PRKG1: variants seen among roughly 807,000 people sequenced by gnomAD.
PRKG1 encodes the protein protein kinase cGMP-dependent 1, also known as cGMP-dependent protein kinase 1.
PRKG1 carries 35 observed loss-of-function variants against 88.1 expected under a neutral mutation model. The observed-to-expected ratio is 0.40, with a 90% CI of 0.30 to 0.53. PRKG1 has a LOEUF of 0.53. PRKG1 is among the 20% of genes least tolerant of loss of function. PRKG1 has a pLI of 0.59. For synonymous variants in PRKG1, 303 were observed against 292.5 expected (o/e 1.04, Z -0.37); for missense variants, 540 against 839.8 (o/e 0.64, Z 4.41).
At chr10:52,059,307 T>C (rs11597349) in intron 6 of PRKG1, among the ~76,000 whole-genome samples, 32,406 of 151,902 alleles carry the variant, frequency 0.21, 3,730 homozygotes, top group South Asian at 0.27. Flanking sequence ...CAGCAATTAC[T>C]CTTTGTGATA....
chr10:51,514,195 A>G (rs1329135388), intron 3 of PRKG1, among the ~76,000 whole-genome samples: 4 of 151,296 alleles, frequency 2.6e-5, no homozygotes, highest in East Asian at 2.0e-4. Context: ...AATACAAACT[A>G]CCATCAGAGA....
chr10:52,171,779 T>C (rs989403987), intron 9 of PRKG1, among the ~76,000 whole-genome samples: 2 of 144,496 alleles, frequency 1.4e-5, no homozygotes, highest in South Asian at 2.1e-4. Flanking sequence ...ATTTTTCTTT[T>C]ATCAAAATTT....
At chr10:51,658,461 G>A (rs1381792917) in intron 3 of PRKG1, among the ~76,000 whole-genome samples, 4 of 152,010 alleles carry the variant, frequency 2.6e-5, no homozygotes, top group Non-Finnish European at 4.4e-5. Context: ...ATCCTAGGGG[G>A]CAGGTGACAT....
Position 51,975,163 on chromosome 10 carries a change from G to A in PRKG1, c.762+67593G>A, listed in dbSNP as rs374354757. On this transcript the variant is annotated intron_variant, in intron 5 of 17. Transcript: ENST00000373980. ...ATATTTATAAGTAACCATAAAATACGGGCTTCATAGGTCCATTTTATAGTT... is the reference window on the plus strand; with the variant it reads ...ATATTTATAAGTAACCATAAAATACAGGCTTCATAGGTCCATTTTATAGTT... 3.4e-4 allele frequency among the ~76,000 whole-genome samples: 51 copies of A among 151,952 alleles called. No homozygotes were observed. The East Asian group carries it at 6.8e-3, about 20-fold the overall frequency.
intron 3 of PRKG1, among the ~76,000 whole-genome samples, chr10:51,581,946 T>A (rs925582893): frequency 4.0e-5 from 6 of 150,824 alleles, no homozygotes; most frequent in Admixed American, 4.0e-4. Context: ...AAAAAAAAAA[T>A]GGGCTGGTCC....
At chr10:51,390,977 G>A (rs963177245) in intron 2 of PRKG1, among the ~76,000 whole-genome samples, 4 of 152,134 alleles carry the variant, frequency 2.6e-5, no homozygotes, top group Admixed American at 2.6e-4. Context: ...AAGATAATTG[G>A]TTTTGATTTA....
chr10:51,946,469 C>T (rs536364756), intron 5 of PRKG1, among the ~76,000 whole-genome samples: 30 of 152,258 alleles, frequency 2.0e-4, no homozygotes, highest in Non-Finnish European at 3.4e-4. Context: ...TCGTCAAAGT[C>T]ATTCTCTGTC....
intron 2 of PRKG1, among the ~76,000 whole-genome samples, chr10:51,397,456 G>A (rs760217504): frequency 6.6e-6 from 1 of 152,028 alleles, no homozygotes; most frequent in Non-Finnish European, 1.5e-5. Flanking sequence ...GCTGCGTCTC[G>A]AGGGCACTTC....
At chr10:51,780,275 C>T (rs1838552205) in intron 3 of PRKG1, among the ~76,000 whole-genome samples, 1 of 151,596 alleles carries the variant, frequency 6.6e-6, no homozygotes. Context: ...GAATTTTCCT[C>T]CTTTCCCTAC....
At chr10:52,100,943 T>C (rs1257203721) in intron 7 of PRKG1, among the ~76,000 whole-genome samples, 1 of 152,230 alleles carries the variant, frequency 6.6e-6, no homozygotes, top group African/African-American at 2.4e-5. Flanking sequence ...TTCTGCTTTG[T>C]TGCCCAGAAT....
chr10:51,158,312 C>T (rs1846266506), intron 2 of PRKG1, among the ~76,000 whole-genome samples: 1 of 151,872 alleles, frequency 6.6e-6, no homozygotes, highest in South Asian at 2.1e-4. Flanking sequence ...ACTATGCAAT[C>T]AGTATGTTGA....
At chr10:51,877,908 A>C (rs1056148117) in intron 4 of PRKG1, among the ~76,000 whole-genome samples, 1 of 152,214 alleles carries the variant, frequency 6.6e-6, no homozygotes, top group African/African-American at 2.4e-5. Flanking sequence ...CCAACTTAGC[A>C]CACTCAGAAA....
chr10:51,968,869 T>C (rs1386256937), intron 5 of PRKG1, among the ~76,000 whole-genome samples: 1 of 148,802 alleles, frequency 6.7e-6, no homozygotes, highest in Non-Finnish European at 1.5e-5. Flanking sequence ...TAATTAAAAA[T>C]TGTTCATCCC....
At position 52,240,503 on chromosome 10, in the gene PRKG1, A is replaced by G. The variant is rs12241048; in HGVS notation, c.1077-11067A>G. Among the ~76,000 whole-genome samples the G allele has an allele frequency of 7.2e-3, 1,095 of 152,328 alleles. 16 individuals carry two copies. Among genetic ancestry groups the G allele is most frequent in the African/African-American group, 0.025 (1,020 of 41,572 alleles). On this transcript the variant is annotated intron_variant, in intron 9 of 17. Transcript: ENST00000373980. Reference sequence around the variant, plus strand: ...GTATGGAGTTTAGTTTCAAAAGGAAACAAAACCCTATAGATTGCTTCATCA... The same window carrying G: ...GTATGGAGTTTAGTTTCAAAAGGAAGCAAAACCCTATAGATTGCTTCATCA...
chr10:51,317,273 C>T (rs1841345637), intron 2 of PRKG1, among the ~76,000 whole-genome samples: 1 of 152,136 alleles, frequency 6.6e-6, no homozygotes, highest in Admixed American at 6.5e-5. Context: ...CCTCTTACAA[C>T]CTACATACTA....
intron 1 of PRKG1, among the ~76,000 whole-genome samples, chr10:51,020,983 G>A (rs1374359455): frequency 2.0e-5 from 3 of 152,142 alleles, no homozygotes; most frequent in African/African-American, 7.2e-5. Flanking sequence ...TAAAGTATTT[G>A]TGTCTCAAAA....
intron 5 of PRKG1, among the ~76,000 whole-genome samples, chr10:51,941,559 G>A (rs1054197776): frequency 2.6e-4 from 39 of 151,608 alleles, no homozygotes; most frequent in African/African-American, 8.3e-4. Flanking sequence ...CCATTAACTC[G>A]TCATTTAACA....
chr10:51,609,303 T>G (rs1244176925), intron 3 of PRKG1, among the ~76,000 whole-genome samples: 1 of 152,166 alleles, frequency 6.6e-6, no homozygotes, highest in Non-Finnish European at 1.5e-5. Context: ...GCAACTTTTA[T>G]TAGAACCCTG....
intron 3 of PRKG1, among the ~76,000 whole-genome samples, chr10:51,552,877 C>A (rs1003234696): frequency 6.6e-6 from 1 of 151,546 alleles, no homozygotes; most frequent in Non-Finnish European, 1.5e-5. Flanking sequence ...TGTCAGCAGG[C>A]AGACTATAGA....
Sources: allele counts gnomAD v4.1 joint callset (sites outside exome capture counted in the v4.1 genomes callset), GRCh38; gene constraint gnomAD v4.1.1; transcripts MANE v1.5; gene names NCBI Gene and HGNC (gene_info 2026-07-23, HGNC 2026-07-21).